RINT1: variants seen among roughly 807,000 people sequenced by gnomAD.
The protein encoded by RINT1 is RAD50 interactor 1.
In RINT1, 75 loss-of-function variants were observed where a neutral mutation model predicts 97.7. The observed-to-expected ratio is 0.77, with a 90% CI of 0.64 to 0.93. The LOEUF (loss-of-function observed/expected upper bound fraction) is 0.93, where lower values mean the gene tolerates loss of function less well. RINT1 is among the 40% of genes least tolerant of loss of function. RINT1 has a pLI of 0.00. For synonymous variants in RINT1, 303 were observed against 326.3 expected, an observed-to-expected ratio of 0.93 and a Z score of 0.77; for missense variants, 892 against 925.2, an observed-to-expected ratio of 0.96 and a Z score of 0.47.
intron 6 of RINT1, 91 bp from the exon 7 acceptor site, chr7:105,548,463 G>C (rs1252121640): frequency 6.5e-6 from 8 of 1,223,990 alleles, no homozygotes; most frequent in Non-Finnish European, 8.4e-6. Flanking sequence ...TGATACATTT[G>C]TTGGAAAAAT....
intron 3 of RINT1, among the ~76,000 whole-genome samples, chr7:105,538,312 A>G (rs932953514): frequency 3.9e-5 from 6 of 152,176 alleles, no homozygotes; most frequent in African/African-American, 1.2e-4. Context: ...TTTTTATCAT[A>G]TAGCTACTAA....
intron 11 of RINT1, among the ~76,000 whole-genome samples, chr7:105,562,110 G>C (rs558022245): frequency 6.6e-5 from 10 of 152,086 alleles, no homozygotes; most frequent in African/African-American, 9.7e-5. Context: ...TCAACGTGTG[G>C]TAACATACTA....
Position 105,550,322 on chromosome 7 carries a change from G to A in RINT1, c.1169G>A (p.Cys390Tyr). Reference sequence around the variant, plus strand: ...GAGAAGTTAGCCACTGATATTCCTTGTCTGCTATATGATGACAATCTCTTC... The same window carrying A: ...GAGAAGTTAGCCACTGATATTCCTTATCTGCTATATGATGACAATCTCTTC... The part of the protein sequence containing the change: ...VLEKLATDIP[C>Y]LLYDDNLFCH... The change falls in exon 9 of 15, where the codon TGT becomes TAT. Residue 390 changes from cysteine (C) to tyrosine (Y), a missense_variant. Coordinates refer to ENST00000257700, the MANE Select transcript of RINT1 (RefSeq NM_021930.6). 2 of 1,614,034 alleles carry A rather than the reference G, an allele frequency of 1.2e-6. No individual in the cohort carries two copies. The highest frequency in any genetic ancestry group is 1.7e-6 in the Non-Finnish European group (2 of 1,180,010).
At chr7:105,544,067 T>C (rs1790564438) in intron 4 of RINT1, among the ~76,000 whole-genome samples, 2 of 151,696 alleles carry the variant, frequency 1.3e-5, no homozygotes, top group South Asian at 4.2e-4. Flanking sequence ...GCCATTGCAC[T>C]GCAGCCTAGG....
At chr7:105,559,540 CAAAAAAAAAAAA>C (rs60718751) in intron 11 of RINT1, among the ~76,000 whole-genome samples, 3,127 of 59,406 alleles carry the variant, frequency 0.053, 159 homozygotes, top group African/African-American at 0.18. Context: ...GACTCTGTCT[CAAAAAAAAAAAA>C]AAAAAAAAAA....
intron 11 of RINT1, among the ~76,000 whole-genome samples, chr7:105,563,074 A>T (rs890777070): frequency 6.6e-6 from 1 of 152,138 alleles, no homozygotes; most frequent in African/African-American, 2.4e-5. Flanking sequence ...TGTAAAAAAA[A>T]TGAAGTGCTG....
At chr7:105,560,807 G>C (rs559331754) in intron 11 of RINT1, among the ~76,000 whole-genome samples, 5 of 151,648 alleles carry the variant, frequency 3.3e-5, no homozygotes, top group Non-Finnish European at 7.4e-5. Context: ...GGCAACTTCT[G>C]CCTCCCAGGT....
intron 2 of RINT1, among the ~76,000 whole-genome samples, chr7:105,536,145 T>C (rs1407361991): frequency 6.6e-6 from 1 of 152,070 alleles, no homozygotes; most frequent in Non-Finnish European, 1.5e-5. Flanking sequence ...CAGGCTGGAG[T>C]GCAGTGGCGC....
intron 4 of RINT1, among the ~76,000 whole-genome samples, chr7:105,543,258 T>C (rs1291845739): frequency 6.6e-6 from 1 of 152,194 alleles, no homozygotes; most frequent in Non-Finnish European, 1.5e-5. Flanking sequence ...GCCAAATTAA[T>C]AAAACACAAA....
intron 9 of RINT1, among the ~76,000 whole-genome samples, chr7:105,551,183 C>T (rs1455128082): frequency 6.6e-6 from 1 of 152,122 alleles, no homozygotes; most frequent in Non-Finnish European, 1.5e-5. Context: ...TATATGCAAG[C>T]CATGCCTGGC....
At chr7:105,557,053 C>T (rs1422082604) in intron 11 of RINT1, among the ~76,000 whole-genome samples, 1 of 152,126 alleles carries the variant, frequency 6.6e-6, no homozygotes, top group Non-Finnish European at 1.5e-5. Context: ...CCATAAAGTA[C>T]ATTTCATGAC....
At chr7:105,561,335 C>T (rs1791427336) in intron 11 of RINT1, among the ~76,000 whole-genome samples, 2 of 151,862 alleles carry the variant, frequency 1.3e-5, no homozygotes, top group African/African-American at 4.8e-5. Flanking sequence ...CAAGATCAGC[C>T]TGGCCAACAT....
intron 10 of RINT1, among the ~76,000 whole-genome samples, chr7:105,552,674 T>TC (rs1485441955): frequency 7.5e-6 from 1 of 133,936 alleles, no homozygotes; most frequent in African/African-American, 2.7e-5. Context: ...TCCTTTTTTT[T>TC]TTTTTTTTTT....
rs1171374078 is a variant in RINT1 at position 105,546,612 on chromosome 7, G to A, written c.516-298G>A. ...CTTTCGGCTGGGCACGGTGACTCAC[G>A]CCTCTAATCCCAGCACTTTGGGAGG... On this transcript the variant is annotated intron_variant, in intron 4 of 14. Coordinates refer to ENST00000257700, the MANE Select transcript of RINT1 (RefSeq NM_021930.6). Among the ~76,000 whole-genome samples, 4 of 152,230 alleles carry A rather than the reference G, an allele frequency of 2.6e-5. No homozygotes were observed. The East Asian group carries it at 5.8e-4, about 22-fold the overall frequency.
At chr7:105,546,853 C>A in intron 4 of RINT1, 57 bp from the exon 5 acceptor site, 1 of 1,312,572 alleles carries the variant, frequency 7.6e-7, no homozygotes. Flanking sequence ...CCAACCTGGG[C>A]AACAGAGTGA....
At chr7:105,565,245 A>G (rs1183493900) in intron 12 of RINT1, 32 bp from the exon 13 acceptor site, 2 of 1,563,392 alleles carry the variant, frequency 1.3e-6, no homozygotes, top group African/African-American at 1.4e-5. Flanking sequence ...GAAACTGATG[A>G]AAATTTTTTG....
In RINT1 at chr7:105,552,708, C is replaced by T. The variant is rs1420644088; in HGVS notation, c.1471+1001C>T. ...TTTTTTTTTGAGATGGAGTCTCACT[C>T]TGTCACCCAGGCTGGAGTGCAGTGG... On this transcript the variant is annotated intron_variant, in intron 10 of 14. Coordinates refer to ENST00000257700, the MANE Select transcript of RINT1 (RefSeq NM_021930.6). Among the ~76,000 whole-genome samples the T allele has an allele frequency of 4.1e-5, 5 of 122,104 alleles. No individual in the cohort carries two copies. The East Asian group carries it at 1.4e-3, about 34-fold the overall frequency. 80.1% of individuals were successfully genotyped at this position (122,104 alleles called of 152,430 possible). A position where few individuals can be genotyped will look rare whatever the true frequency, so the allele number is the denominator to read the frequency against.
At position 105,567,179 on chromosome 7, in the gene RINT1, T is replaced by G; in HGVS notation, c.2247T>G (p.Asp749Glu). 2 of 1,608,522 alleles carry G rather than the reference T, an allele frequency of 1.2e-6. No individual in the cohort carries two copies. Among genetic ancestry groups the G allele is most frequent in the Non-Finnish European group, 1.7e-6 (2 of 1,178,548 alleles). ...LNVGSALLLK[D>E]VLQSASGQLP... Reference sequence around the variant, plus strand: ...TCGGTTCTGCACTACTGCTGAAAGATGTACTGCAGTCAGCTTCAGGGCAGC... The same window carrying G: ...TCGGTTCTGCACTACTGCTGAAAGAGGTACTGCAGTCAGCTTCAGGGCAGC... Residue 749 changes from aspartate (D) to glutamate (E), a missense_variant, in exon 15 of 15, where the codon GAT becomes GAG. By Grantham distance (45) the Asp-to-Glu change is conservative. Transcript: ENST00000257700.
At chr7:105,565,711 T>C (rs1791697426) in intron 14 of RINT1, 63 bp downstream of exon 14, 5 of 1,116,692 alleles carry the variant, frequency 4.5e-6, no homozygotes, top group Non-Finnish European at 6.6e-6. Context: ...CTAACTCCTT[T>C]TAACTTTAGG....
Sources: gnomAD v4.1 joint callset for allele counts (sites outside exome capture counted in the v4.1 genomes callset) on GRCh38, gnomAD v4.1.1 for gene constraint, MANE v1.5 for transcripts, NCBI Gene and HGNC (gene_info 2026-07-23, HGNC 2026-07-21) for gene names.